UBE3C: variants seen among roughly 807,000 people sequenced by gnomAD.
UBE3C encodes the protein ubiquitin-protein ligase E3C.
A neutral mutation model predicts 129.4 loss-of-function variants in UBE3C; 42 were observed. The ratio of observed to expected loss-of-function variants is 0.32; its 90% CI spans 0.25 to 0.42. The LOEUF is 0.42. Among genes scored for constraint, UBE3C ranks in the 10% least tolerant of loss-of-function variants. The pLI is 1.00. For synonymous variants in UBE3C, 510 were observed against 492.4 expected, an observed-to-expected ratio of 1.04 and a Z score of -0.47; for missense variants, 1,049 against 1,319.1, an observed-to-expected ratio of 0.80 and a Z score of 3.17.
intron 10 of UBE3C, among the ~76,000 whole-genome samples, chr7:157,199,591 C>T (rs571291744): frequency 6.6e-6 from 1 of 152,140 alleles, no homozygotes; most frequent in South Asian, 2.1e-4. Flanking sequence ...CTGCCTCAGC[C>T]TCCTGAATAG....
chr7:157,170,253 G>T, intron 3 of UBE3C, 51 bp from the exon 4 acceptor site: 1 of 1,351,464 alleles, frequency 7.4e-7, no homozygotes, highest in Non-Finnish European at 9.6e-7. Context: ...CATAAGAATT[G>T]TGTGTCCAAA....
intron 1 of UBE3C, chr7:157,139,985 C>A (rs933427588): frequency 1.0e-6 from 1 of 985,294 alleles, no homozygotes; most frequent in African/African-American, 1.7e-5. Flanking sequence ...TCCGGACTTA[C>A]ATCTGTTGTG....
intron 1 of UBE3C, among the ~76,000 whole-genome samples, chr7:157,154,793 A>C (rs915700310): frequency 6.6e-6 from 1 of 152,224 alleles, no homozygotes; most frequent in African/African-American, 2.4e-5. Flanking sequence ...GGAACAAAGA[A>C]ATCTATAACT....
chr7:157,176,620 T>A (rs1450148073), intron 5 of UBE3C, among the ~76,000 whole-genome samples: 1 of 152,236 alleles, frequency 6.6e-6, no homozygotes, highest in African/African-American at 2.4e-5. Flanking sequence ...TCCTCATCTT[T>A]CCTCTTTAAT....
chr7:157,215,929 A>G (rs1795554979), intron 13 of UBE3C, among the ~76,000 whole-genome samples: 1 of 152,220 alleles, frequency 6.6e-6, no homozygotes, highest in Admixed American at 6.5e-5. Flanking sequence ...CTAGGTTCCA[A>G]GGTGGCTAGT....
intron 18 of UBE3C, among the ~76,000 whole-genome samples, chr7:157,245,228 A>G (rs866102035): frequency 6.6e-6 from 1 of 152,252 alleles, no homozygotes; most frequent in South Asian, 2.1e-4. Flanking sequence ...AAATTCAGGT[A>G]GTTCTGATAT....
intron 10 of UBE3C, chr7:157,189,077 G>GA (rs1808884912): frequency 7.1e-6 from 3 of 420,920 alleles, no homozygotes; most frequent in Non-Finnish European, 1.3e-5. Context: ...AAGAAGGATG[G>GA]AAAAAATAGG....
At chr7:157,170,117 GTTT>G (rs146750630) in intron 3 of UBE3C, among the ~76,000 whole-genome samples, 184 bp from the exon 4 acceptor site, 2 of 134,876 alleles carry the variant, frequency 1.5e-5, no homozygotes, top group African/African-American at 5.5e-5. Context: ...ACCATGCCTG[GTTT>G]TTTTTTTTTT....
chr7:157,244,300 C>T (rs1268203790), intron 18 of UBE3C, among the ~76,000 whole-genome samples: 1 of 152,142 alleles, frequency 6.6e-6, no homozygotes, highest in East Asian at 1.9e-4. Context: ...GTTACACAAG[C>T]CCCTAGTGGT....
chr7:157,185,718 C>T (rs6971896), intron 9 of UBE3C, among the ~76,000 whole-genome samples: 72,287 of 152,026 alleles, frequency 0.48, 19,792 homozygotes, highest in African/African-American at 0.77. Flanking sequence ...TGTTCACTTA[C>T]AGCTTATGTA....
chr7:157,240,067 G>C lies in UBE3C; in HGVS notation c.2482-8301G>C, dbSNP rs532113975. Among the ~76,000 whole-genome samples, 4 of 152,230 alleles carry C rather than the reference G, an allele frequency of 2.6e-5. No individual in the cohort carries two copies. The South Asian group carries it at 8.3e-4, about 32-fold the overall frequency. On this transcript the variant is annotated intron_variant, in intron 18 of 22. Transcript: ENST00000348165. ...CTCTAGGGCTAGGGCTCAGCAAGCT[G>C]TGTGTTTTGGTTTTTGGTTTTTTGG...
At chr7:157,212,161 AAGAACTAACTCATCTGGTTTCAGGACT>A (rs1809613243) in intron 13 of UBE3C, among the ~76,000 whole-genome samples, 1 of 152,190 alleles carries the variant, frequency 6.6e-6, no homozygotes, top group South Asian at 2.1e-4. Flanking sequence ...TTGCTTTTTA[AAGAACTAACTCATCTGGTTTCAGGACT>A]AGATCTACTG....
rs184047862 is a variant in UBE3C at position 157,209,507 on chromosome 7, C to A, written c.1809+1572C>A. 8.8e-3 allele frequency among the ~76,000 whole-genome samples: 1,340 copies of A among 152,266 alleles called. 13 individuals carry two copies. Among genetic ancestry groups the A allele is most frequent in the Admixed American group, 0.014 (217 of 15,286 alleles). ...TTTTCTATGTTAAAAAATAAGCAGT[C>A]TCACCTATTTAAAACTTATAATTCT... On this transcript the variant is annotated intron_variant, in intron 13 of 22. Coordinates refer to ENST00000348165, the MANE Select transcript of UBE3C (RefSeq NM_014671.3).
chr7:157,225,475 T>C lies in UBE3C; in HGVS notation c.2169T>C (p.Ile723=). ...VQGDGPFLDG[I]NVTIRRNYIY... is the part of the protein sequence containing the mutation. ...GAGATGGTCCATTTCTGGATGGAATTAATGTCACAATAAGAAGAAATTACA... is the reference window on the plus strand; with the variant it reads ...GAGATGGTCCATTTCTGGATGGAATCAATGTCACAATAAGAAGAAATTACA... Residue 723 remains isoleucine (I), a synonymous_variant, in exon 17 of 23, where the codon ATT becomes ATC. Transcript: ENST00000348165. 6.2e-7 allele frequency: 1 copy of C among 1,604,864 alleles called. No homozygotes were observed.
At chr7:157,248,243 G>A (rs890336002) in intron 18 of UBE3C, 125 bp from the exon 19 acceptor site, 25 of 845,022 alleles carry the variant, frequency 3.0e-5, no homozygotes, top group Non-Finnish European at 4.4e-5. Flanking sequence ...TTCCATCTTC[G>A]GTACTATGAG....
At chr7:157,152,923 TG>T (rs1586645692) in intron 1 of UBE3C, among the ~76,000 whole-genome samples, 2 of 152,242 alleles carry the variant, frequency 1.3e-5, no homozygotes, top group East Asian at 3.9e-4. Flanking sequence ...TTGCCAGGTG[TG>T]GTGATGCACG....
intron 11 of UBE3C, among the ~76,000 whole-genome samples, chr7:157,202,379 G>C (rs181244573): frequency 1.3e-5 from 2 of 152,278 alleles, no homozygotes; most frequent in Non-Finnish European, 2.9e-5. Context: ...TAAGCCGGCC[G>C]GGCGCGGTGG....
intron 6 of UBE3C, among the ~76,000 whole-genome samples, chr7:157,181,090 C>T (rs1040235989): frequency 6.6e-6 from 1 of 152,174 alleles, no homozygotes; most frequent in African/African-American, 2.4e-5. Context: ...AATATGTGGT[C>T]CTTATTGAGC....
At chr7:157,244,340 A>G (rs1311520529) in intron 18 of UBE3C, among the ~76,000 whole-genome samples, 4 of 152,342 alleles carry the variant, frequency 2.6e-5, no homozygotes, top group South Asian at 2.1e-4. Context: ...TTGTTTTTCA[A>G]TTCCAACTTA....
Sources: allele counts gnomAD v4.1 joint callset (sites outside exome capture counted in the v4.1 genomes callset), GRCh38; gene constraint gnomAD v4.1.1; transcripts MANE v1.5; gene names NCBI Gene and HGNC (gene_info 2026-07-23, HGNC 2026-07-21).